The following MEIOSIN variants were observed in gnomAD, a reference collection of about 807,000 sequenced individuals.
The protein encoded by MEIOSIN is meiosis initiator.
A neutral mutation model predicts 23.4 loss-of-function variants in MEIOSIN; 18 were observed. That is an observed-to-expected ratio of 0.77 (90% CI 0.53 to 1.14). MEIOSIN has a LOEUF of 1.14. Ranked by LOEUF, MEIOSIN falls within the 50% of genes most tolerant of loss-of-function variation. The pLI is 0.00. For synonymous variants in MEIOSIN, 187 were observed against 100.6 expected (o/e 1.86, Z -5.14); for missense variants, 428 against 242.9 (o/e 1.76, Z -5.07).
chr19:45,751,304 A>ATAATAATAG (rs1555783525), intron 5 of MEIOSIN, among the ~76,000 whole-genome samples: 1 of 147,042 alleles, frequency 6.8e-6, no homozygotes, highest in African/African-American at 2.5e-5. Context: ...AATAATAATA[A>ATAATAATAG]TAATAATATA....
intron 7 of MEIOSIN, among the ~76,000 whole-genome samples, chr19:45,755,456 G>T (rs2146194111): frequency 7.0e-6 from 1 of 142,040 alleles, no homozygotes; most frequent in Admixed American, 7.1e-5. Context: ...GCCCATTAGA[G>T]TTTTTTGTTT....
Position 45,750,666 on chromosome 19 carries a change from T to C in MEIOSIN, c.307-9T>C, listed in dbSNP as rs1968686652. The C allele has an allele frequency of 1.3e-5, 7 of 551,466 alleles. No individual in the cohort carries two copies. The highest frequency in any genetic ancestry group is 3.5e-5 in the Admixed American group (1 of 28,592). 34.2% of individuals were successfully genotyped at this position (551,466 alleles called of 1,614,324 possible). A position where few individuals can be genotyped will look rare whatever the true frequency, so the allele number is the denominator to read the frequency against. On this transcript the variant is annotated splice_polypyrimidine_tract_variant and intron_variant, in intron 4 of 14. Transcript: ENST00000457052. ...GAGCCTGGCCAACCCTGTCTTTCTTTTGAGGCAGAAGGAGATTCTGGTGCA... is the reference window on the plus strand; with the variant it reads ...GAGCCTGGCCAACCCTGTCTTTCTTCTGAGGCAGAAGGAGATTCTGGTGCA...
chr19:45,755,115 T>A (rs1025922072), intron 7 of MEIOSIN, among the ~76,000 whole-genome samples: 2 of 151,784 alleles, frequency 1.3e-5, no homozygotes, highest in African/African-American at 4.8e-5. Flanking sequence ...AGGCCTCAAG[T>A]CATCTCGTTC....
rs1257580245 is a variant in MEIOSIN at position 45,758,569 on chromosome 19, C to T, written c.1013-309C>T. The stretch of plus-strand genomic sequence containing the variant: ...TCAGCCTCCTGAGTAACTGAGATTA[C>T]AGGCACGTGCCACTACCCCCAGCTA... On this transcript the variant is annotated intron_variant, in intron 9 of 14. Transcript: ENST00000457052. Among the ~76,000 whole-genome samples, 7 of 152,006 alleles carry T rather than the reference C, an allele frequency of 4.6e-5. No homozygotes were observed. In the East Asian group the frequency reaches 9.7e-4, roughly 21 times the overall value.
chr19:45,742,831 C>T (rs1015853190), intron 3 of MEIOSIN, among the ~76,000 whole-genome samples: 1 of 152,020 alleles, frequency 6.6e-6, no homozygotes, highest in African/African-American at 2.4e-5. Flanking sequence ...ACAACAACAA[C>T]AACCAGGGCA....
Position 45,764,470 on chromosome 19 carries a change from TCTC to T in MEIOSIN, c.*355_*357del, listed in dbSNP as rs1969021258. On this transcript the variant is annotated 3_prime_UTR_variant, in exon 15 of 15. Coordinates refer to ENST00000457052, the MANE Select transcript of MEIOSIN (RefSeq NM_001310124.2). ...ATGCTCACCTCACCCTACTCCTCCC[TCTC>T]CTGTTCTATTTTTAGACTATTTATT... 8.5e-6 allele frequency: 2 copies of T among 234,890 alleles called. No homozygotes were observed. Among genetic ancestry groups the T allele is most frequent in the East Asian group, 1.6e-4 (2 of 12,200 alleles). 14.6% of individuals were successfully genotyped at this position (234,890 alleles called of 1,614,324 possible). A position where few individuals can be genotyped will look rare whatever the true frequency, so the allele number is the denominator to read the frequency against.
rs115612525 is a variant in MEIOSIN, at chr19:45,756,106, A to C, written c.911+28A>C. The C allele has an allele frequency of 1.0e-3, 731 of 702,010 alleles. 4 individuals are homozygous for C. The African/African-American group carries it at 0.012, about 11-fold the overall frequency. 43.5% of individuals were successfully genotyped at this position (702,010 alleles called of 1,614,324 possible). The stretch of plus-strand genomic sequence containing the variant: ...AAGGGCGTCCCCAGGGCACTGAGTG[A>C]GTGGTGCTGAGGGGTTTGGTCTGGC... On this transcript the variant is annotated intron_variant, in intron 8 of 14. Coordinates refer to ENST00000457052, the MANE Select transcript of MEIOSIN (RefSeq NM_001310124.2).
chr19:45,761,150 A>C (rs938218256), intron 11 of MEIOSIN, among the ~76,000 whole-genome samples: 1 of 147,716 alleles, frequency 6.8e-6, no homozygotes, highest in Non-Finnish European at 1.5e-5. Context: ...TTTGAGACAG[A>C]GTCTCACTCT....
Position 45,739,693 on chromosome 19 carries a change from A to C in MEIOSIN, c.139A>C (p.Arg47=), listed in dbSNP as rs796312072. 4.3e-6 allele frequency: 3 copies of C among 703,550 alleles called. No homozygotes were observed. The African/African-American group carries it at 5.2e-5, about 12-fold the overall frequency. 43.6% of individuals were successfully genotyped at this position (703,550 alleles called of 1,614,324 possible). A position where few individuals can be genotyped will look rare whatever the true frequency, so the allele number is the denominator to read the frequency against. ...CAACCCCTCCGAACCACATGGACTGAGAATGGAGGAGAAATGGTTGCTCAA... is the reference window on the plus strand; with the variant it reads ...CAACCCCTCCGAACCACATGGACTGCGAATGGAGGAGAAATGGTTGCTCAA... ...KVNPSEPHGL[R]MEEKWLLKGK... The change falls in exon 3 of 15, where the codon AGA becomes CGA. Residue 47 remains arginine, a synonymous_variant. Transcript: ENST00000457052.
At chr19:45,735,654 C>T (rs1031849935) in intron 2 of MEIOSIN, among the ~76,000 whole-genome samples, 2 of 152,034 alleles carry the variant, frequency 1.3e-5, no homozygotes, top group African/African-American at 4.8e-5. Flanking sequence ...CTGAGGTGAT[C>T]GGCAAAGATC....
intron 4 of MEIOSIN, among the ~76,000 whole-genome samples, chr19:45,750,263 T>C (rs1968673936): frequency 6.8e-6 from 1 of 147,940 alleles, no homozygotes; most frequent in Non-Finnish European, 1.5e-5. Flanking sequence ...CTGCAACCTT[T>C]GCTTCAGGCT....
At chr19:45,753,230 A>T (rs1968750224) in intron 5 of MEIOSIN, among the ~76,000 whole-genome samples, 1 of 152,182 alleles carries the variant, frequency 6.6e-6, no homozygotes, top group South Asian at 2.1e-4. Context: ...GAATGTGGAT[A>T]GAAGTGAGTA....
At chr19:45,763,890 G>A (rs35692189) in intron 14 of MEIOSIN, 81 bp from the exon 15 acceptor site, 40 of 398,270 alleles carry the variant, frequency 1.0e-4, no homozygotes, top group Non-Finnish European at 1.4e-4. Flanking sequence ...AGGCCCCTGC[G>A]GGGACACAGG....
intron 9 of MEIOSIN, among the ~76,000 whole-genome samples, chr19:45,757,989 G>A (rs4802277): frequency 0.47 from 71,488 of 151,312 alleles, 17,266 homozygotes; most frequent in East Asian, 0.64. Context: ...CCCTGCTCCC[G>A]ACCTCAGAAT....
chr19:45,755,497 A>G (rs1275879169), intron 7 of MEIOSIN, among the ~76,000 whole-genome samples: 1 of 151,944 alleles, frequency 6.6e-6, no homozygotes, highest in African/African-American at 2.4e-5. Flanking sequence ...TCTGTCGCCC[A>G]TGCTGGAGTG....
At chr19:45,736,720 C>G (rs1433152763) in intron 2 of MEIOSIN, among the ~76,000 whole-genome samples, 3 of 152,070 alleles carry the variant, frequency 2.0e-5, no homozygotes, top group East Asian at 1.9e-4. Context: ...AGGCGCCCAC[C>G]ACCATGCCTG....
intron 13 of MEIOSIN, among the ~76,000 whole-genome samples, chr19:45,763,074 C>T (rs530497615): frequency 1.3e-5 from 2 of 152,230 alleles, no homozygotes; most frequent in Admixed American, 6.5e-5. Flanking sequence ...GGAGGCCCCC[C>T]CCAAGCCACA....
In MEIOSIN at chr19:45,758,974, C is replaced by A. The variant is rs1055660875; in HGVS notation, c.1109C>A (p.Ser370Tyr). The A allele has an allele frequency of 1.3e-5, 9 of 702,986 alleles. No individual in the cohort carries two copies. The highest frequency in any genetic ancestry group is 2.3e-4 in the Middle Eastern group (1 of 4,392). 43.5% of individuals were successfully genotyped at this position (702,986 alleles called of 1,614,324 possible). A position where few individuals can be genotyped will look rare whatever the true frequency, so the allele number is the denominator to read the frequency against. Residue 370 changes from serine (S) to tyrosine (Y), a missense_variant, in exon 10 of 15, where the codon TCC becomes TAC. Coordinates refer to ENST00000457052, the MANE Select transcript of MEIOSIN (RefSeq NM_001310124.2). ...GGGCTCAGCCCTAGCCTTTTCAGCTCCCCAGGGAAACTGCTGCCAGACGAG... is the reference window on the plus strand; with the variant it reads ...GGGCTCAGCCCTAGCCTTTTCAGCTACCCAGGGAAACTGCTGCCAGACGAG... ...ILGLSPSLFS[S>Y]PGKLLPDEIL...
At chr19:45,742,167 C>T (rs948858741) in intron 3 of MEIOSIN, among the ~76,000 whole-genome samples, 11 of 151,866 alleles carry the variant, frequency 7.2e-5, no homozygotes, top group Admixed American at 4.6e-4. Flanking sequence ...TGAGCCACCA[C>T]GCCCAGCTTA....
Sources: gnomAD v4.1 joint callset for allele counts (sites outside exome capture counted in the v4.1 genomes callset) on GRCh38, gnomAD v4.1.1 for gene constraint, MANE v1.5 for transcripts, NCBI Gene and HGNC (gene_info 2026-07-23, HGNC 2026-07-21) for gene names.